Variants in NEMF observed in about 807,000 individuals in gnomAD.
The protein encoded by NEMF is ribosome quality control complex subunit NEMF.
In NEMF, 89 loss-of-function variants were observed where a neutral mutation model predicts 162.2. The observed-to-expected ratio is 0.55, with a 90% CI of 0.46 to 0.65. The LOEUF is 0.65. NEMF is among the 30% of genes least tolerant of loss of function. NEMF has a pLI of 0.00. For synonymous variants in NEMF, 421 were observed against 404.5 expected (o/e 1.04, Z -0.49); for missense variants, 1,133 against 1,261.9 (o/e 0.90, Z 1.55).
At chr14:49,796,387 T>C (rs1890692554) in intron 25 of NEMF, 1 of 428,530 alleles carries the variant, frequency 2.3e-6, no homozygotes, top group South Asian at 1.7e-5. Flanking sequence ...TACTGTGGTA[T>C]TCTTCTTTCT....
intron 18 of NEMF, among the ~76,000 whole-genome samples, chr14:49,810,648 C>A (rs1028270395): frequency 6.6e-6 from 1 of 152,046 alleles, no homozygotes; most frequent in African/African-American, 2.4e-5. Flanking sequence ...CCTTGCATTA[C>A]CACATGAATT....
intron 21 of NEMF, 36 bp downstream of exon 21, chr14:49,802,633 A>C: frequency 1.2e-6 from 2 of 1,611,550 alleles, no homozygotes. Context: ...AAAATCAGGA[A>C]AAAAACAAAT....
At chr14:49,814,156 G>A (rs181995618) in intron 17 of NEMF, 106 bp from the exon 18 acceptor site, 12,104 of 674,948 alleles carry the variant, frequency 0.018, 150 homozygotes, top group Non-Finnish European at 0.023. Context: ...CTGGAGTGCA[G>A]TGGCACGATT....
intron 10 of NEMF, among the ~76,000 whole-genome samples, 169 bp from the exon 11 acceptor site, chr14:49,831,530 G>T (rs3126206): frequency 0.97 from 147,196 of 152,052 alleles, 71,442 homozygotes; most frequent in East Asian, 1. Context: ...TTCCACCTCC[G>T]AGGTTCAAGT....
intron 5 of NEMF, 112 bp downstream of exon 5, chr14:49,840,606 C>T (rs548729723): frequency 6.8e-5 from 57 of 836,814 alleles, no homozygotes; most frequent in Non-Finnish European, 9.9e-5. Flanking sequence ...ACAGTTCTTT[C>T]ACGTTCTGAC....
intron 18 of NEMF, among the ~76,000 whole-genome samples, chr14:49,808,033 G>A (rs1171760298): frequency 6.6e-6 from 1 of 151,956 alleles, no homozygotes; most frequent in Non-Finnish European, 1.5e-5. Context: ...TTTTCAGCTG[G>A]GTTACTTCCC....
rs1017183322 is a variant in NEMF at position 49,786,848 on chromosome 14, G to A, written c.2896-98C>T. On this transcript the variant is annotated intron_variant, in intron 28 of 32. Transcript: ENST00000298310. ...GGAGAAAGAAACAGTGATACAACCAGACTGTCATTTCTGACCCACAGGATA... is the reference window on the plus strand; with the variant it reads ...GGAGAAAGAAACAGTGATACAACCAAACTGTCATTTCTGACCCACAGGATA... The A allele has an allele frequency of 4.1e-5, 47 of 1,138,692 alleles. No individual in the cohort carries two copies. The African/African-American group carries it at 6.5e-4, about 16-fold the overall frequency. 70.5% of individuals were successfully genotyped at this position (1,138,692 alleles called of 1,614,324 possible). A position where few individuals can be genotyped will look rare whatever the true frequency, so the allele number is the denominator to read the frequency against.
At chr14:49,831,810 G>A (rs1024120615) in intron 10 of NEMF, among the ~76,000 whole-genome samples, 1 of 152,178 alleles carries the variant, frequency 6.6e-6, no homozygotes, top group African/African-American at 2.4e-5. Context: ...TCCGGTAAAT[G>A]TATTATATGG....
intron 4 of NEMF, among the ~76,000 whole-genome samples, chr14:49,842,201 C>A: frequency 7.1e-6 from 1 of 140,480 alleles, no homozygotes; most frequent in Admixed American, 7.5e-5. Flanking sequence ...ATTATGATAG[C>A]TCAACACAAC....
chr14:49,790,853 C>T (rs565904918), intron 26 of NEMF, among the ~76,000 whole-genome samples: 22 of 152,124 alleles, frequency 1.4e-4, no homozygotes, highest in East Asian at 1.2e-3. Flanking sequence ...ATTAGCCAGG[C>T]GTGGTGGTGC....
intron 29 of NEMF, 175 bp from the exon 30 acceptor site, chr14:49,785,495 A>G: frequency 1.7e-6 from 1 of 571,976 alleles, no homozygotes; most frequent in Non-Finnish European, 3.1e-6. Context: ...GTTGAAGACC[A>G]ATGTTTAAAT....
At chr14:49,809,733 G>A (rs145142333) in intron 18 of NEMF, among the ~76,000 whole-genome samples, 19 of 152,200 alleles carry the variant, frequency 1.2e-4, no homozygotes, top group African/African-American at 3.9e-4. Context: ...GGTGGCACGT[G>A]CCTGTTAATT....
In NEMF at chr14:49,851,737, T is replaced by C. The variant is rs141967884; in HGVS notation, c.128+70A>G. The C allele has an allele frequency of 3.5e-4, 509 of 1,473,196 alleles. 1 individual carries two copies. In the African/African-American group the frequency reaches 5.3e-3, roughly 15 times the overall value. The allele number at this position is 1,473,196 out of a possible 1,614,324, so 91.3% of individuals were successfully genotyped here. A position where few individuals can be genotyped will look rare whatever the true frequency, so the allele number is the denominator to read the frequency against. On this transcript the variant is annotated intron_variant, in intron 2 of 32. Coordinates refer to ENST00000298310, the MANE Select transcript of NEMF (RefSeq NM_004713.6). ...CTAATTGCTAAACAGGCTTAAAATG[T>C]AGGTTAAAAAAAATCAGTAATCTCA...
At chr14:49,795,747 C>A (rs1890662279) in intron 26 of NEMF, 44 bp downstream of exon 26, 1 of 1,540,526 alleles carries the variant, frequency 6.5e-7, no homozygotes, top group Non-Finnish European at 8.8e-7. Flanking sequence ...AAAAAGGAAC[C>A]TCACAAATTA....
In NEMF at chr14:49,852,746, C is replaced by T; in HGVS notation, c.8G>A (p.Ser3Asn). The T allele has an allele frequency of 1.2e-6, 2 of 1,614,252 alleles. No homozygotes were observed. The highest frequency in any genetic ancestry group is 8.5e-7 in the Non-Finnish European group (1 of 1,180,052). The change falls in exon 1 of 33, where the codon AGC becomes AAC. Residue 3 changes from serine to asparagine, a missense_variant. Around this residue, in one of 3 missense-constraint regions of NEMF, gnomAD observed 582 missense variants for 631.5 expected, o/e 0.92. Transcript: ENST00000298310. Reference sequence around the variant, plus strand: ...GCGGAGGTCAATGGTGCTAAAGCGGCTCTTCATGGCGAGGCCCGAGGGTCA... The same window carrying T: ...GCGGAGGTCAATGGTGCTAAAGCGGTTCTTCATGGCGAGGCCCGAGGGTCA... The part of the protein sequence containing the change: MK[S>N]RFSTIDLRAV...
In NEMF at chr14:49,784,296, G is replaced by T. The variant is rs1594711856; in HGVS notation, c.*340C>A. 3 of 186,080 alleles carry T rather than the reference G, an allele frequency of 1.6e-5. No homozygotes were observed. In the Middle Eastern group the frequency reaches 6.9e-3, roughly 431 times the overall value. 11.5% of individuals were successfully genotyped at this position (186,080 alleles called of 1,614,324 possible). A position where few individuals can be genotyped will look rare whatever the true frequency, so the allele number is the denominator to read the frequency against. On this transcript the variant is annotated 3_prime_UTR_variant, in exon 33 of 33. Transcript: ENST00000298310. ...ATACAGTAGACTTACCAAGTCAATAGTTTAAGCAATCAAGCCACTTCACTG... is the reference window on the plus strand; with the variant it reads ...ATACAGTAGACTTACCAAGTCAATATTTTAAGCAATCAAGCCACTTCACTG...
chr14:49,797,332 TAA>T (rs749900237), intron 25 of NEMF: 20 of 139,086 alleles, frequency 1.4e-4, no homozygotes, highest in Admixed American at 2.2e-4. Flanking sequence ...GACCTGCTAT[TAA>T]AAAAAAAAAA....
Position 49,829,396 on chromosome 14 carries a change from C to A in NEMF, c.976G>T (p.Val326Phe). The A allele has an allele frequency of 6.2e-7, 1 of 1,614,028 alleles. No individual in the cohort carries two copies. Among genetic ancestry groups the A allele is most frequent in the Non-Finnish European group, 8.5e-7 (1 of 1,179,968 alleles). ...AATCTGTTTTCGTGATCCTTTCGAA[C>A]ATTATCTAATTTCTTCAATGCTTGC... ...EKQALKKLDN[V>F]RKDHENRLEA... Residue 326 changes from valine (V) to phenylalanine (F), a missense_variant, in exon 12 of 33, where the codon GTT (valine) becomes TTT (phenylalanine). Physicochemically the swap from Val to Phe is conservative, Grantham distance 50 (BLOSUM62 -1). Around this residue, in one of 3 missense-constraint regions of NEMF, gnomAD observed 582 missense variants for 631.5 expected, o/e 0.92. Transcript: ENST00000298310.
chr14:49,832,611 G>T (rs1892701000), intron 8 of NEMF, among the ~76,000 whole-genome samples: 1 of 152,096 alleles, frequency 6.6e-6, no homozygotes, highest in Non-Finnish European at 1.5e-5. Flanking sequence ...GAGATCACAG[G>T]TGTGAGCCAC....
Sources: allele counts gnomAD v4.1 joint callset (sites outside exome capture counted in the v4.1 genomes callset), GRCh38; gene constraint gnomAD v4.1.1; regional missense constraint gnomAD v4.1.1; transcripts MANE v1.5; gene names NCBI Gene and HGNC (gene_info 2026-07-23, HGNC 2026-07-21).